Variants in MOB3B observed in about 807,000 individuals in gnomAD.
MOB3B encodes MOB kinase activator 3B.
A neutral mutation model predicts 18.7 loss-of-function variants in MOB3B; 7 were observed. The ratio of observed to expected loss-of-function variants is 0.37; its 90% CI spans 0.21 to 0.70. MOB3B has a LOEUF of 0.70. Among genes scored for constraint, MOB3B ranks in the 30% least tolerant of loss-of-function variants. The pLI is 0.52. For missense variants in MOB3B, 253 were observed against 281.3 expected, an observed-to-expected ratio of 0.90 and a Z score of 0.72; for synonymous variants, 111 against 99.9, an observed-to-expected ratio of 1.11 and a Z score of -0.66.
At chr9:27,511,449 A>G (rs1820142142) in intron 1 of MOB3B, among the ~76,000 whole-genome samples, 1 of 152,190 alleles carries the variant, frequency 6.6e-6, no homozygotes, top group Non-Finnish European at 1.5e-5. Context: ...CACTGTGCTC[A>G]ATGCATGCTT....
At chr9:27,451,627 G>A (rs1822786455) in intron 2 of MOB3B, among the ~76,000 whole-genome samples, 1 of 152,162 alleles carries the variant, frequency 6.6e-6, no homozygotes, top group Non-Finnish European at 1.5e-5. Context: ...TTGGATCACA[G>A]TGGGGAGGAG....
rs138633347 is a variant in MOB3B at position 27,449,210 on chromosome 9, A to T, written c.418+5923T>A. ...TATTTATAACCCTCATCACAGAGTG[A>T]TTCAGCAATGAAGACTGATGATTTT... is the stretch of plus-strand genomic sequence containing the variant. On this transcript the variant is annotated intron_variant, in intron 2 of 3. Transcript: ENST00000262244. Among the ~76,000 whole-genome samples the T allele has an allele frequency of 2.7e-3, 408 of 152,362 alleles. 2 individuals are homozygous for T. The highest frequency in any genetic ancestry group is 3.9e-3 in the Non-Finnish European group (265 of 68,040).
At chr9:27,528,496 A>G (rs888649115) in intron 1 of MOB3B, among the ~76,000 whole-genome samples, 2 of 152,200 alleles carry the variant, frequency 1.3e-5, no homozygotes, top group South Asian at 4.1e-4. Context: ...GCGGGGAAGG[A>G]ACAACTTTCC....
At chr9:27,401,618 C>A (rs1177716053) in intron 2 of MOB3B, among the ~76,000 whole-genome samples, 1 of 152,328 alleles carries the variant, frequency 6.6e-6, no homozygotes, top group African/African-American at 2.4e-5. Context: ...ACCCTTCATC[C>A]CTGGTGGCTG....
chr9:27,467,423 A>G (rs1819402031), intron 1 of MOB3B, among the ~76,000 whole-genome samples: 1 of 152,248 alleles, frequency 6.6e-6, no homozygotes, highest in South Asian at 2.1e-4. Context: ...TTCTCCTATG[A>G]TCAGATTTCA....
chr9:27,491,189 T>C (rs915922679), intron 1 of MOB3B, among the ~76,000 whole-genome samples: 24 of 152,192 alleles, frequency 1.6e-4, no homozygotes, highest in African/African-American at 4.8e-4. Flanking sequence ...GACATATTAT[T>C]TACAACTGTT....
At chr9:27,467,912 G>T (rs1019908347) in intron 1 of MOB3B, among the ~76,000 whole-genome samples, 4 of 152,206 alleles carry the variant, frequency 2.6e-5, no homozygotes, top group African/African-American at 7.2e-5. Context: ...TTTTGTTGTT[G>T]TATTGTTACT....
chr9:27,357,880 C>T (rs933615879), intron 3 of MOB3B, among the ~76,000 whole-genome samples: 4 of 63,806 alleles, frequency 6.3e-5, no homozygotes, highest in East Asian at 6.4e-4. Context: ...AATGAGATCC[C>T]ATCGCTACAA....
intron 1 of MOB3B, among the ~76,000 whole-genome samples, chr9:27,498,968 C>T (rs553341549): frequency 6.6e-6 from 1 of 152,264 alleles, no homozygotes; most frequent in African/African-American, 2.4e-5. Context: ...GATCTTAACA[C>T]AAGATTTTTT....
chr9:27,369,427 G>T (rs1048198766), intron 2 of MOB3B, among the ~76,000 whole-genome samples: 1 of 152,164 alleles, frequency 6.6e-6, no homozygotes, highest in Non-Finnish European at 1.5e-5. Context: ...CCTAGTTTAT[G>T]CAGGTCCCTT....
At chr9:27,443,847 A>G (rs987087063) in intron 2 of MOB3B, among the ~76,000 whole-genome samples, 19 of 152,160 alleles carry the variant, frequency 1.2e-4, no homozygotes, top group African/African-American at 4.6e-4. Context: ...TCAGAAAACC[A>G]ATGTACACAT....
At chr9:27,357,144 A>ATATATATATATATATATATATATATGTG (rs1486801059) in intron 3 of MOB3B, among the ~76,000 whole-genome samples, 1 of 80,972 alleles carries the variant, frequency 1.2e-5, no homozygotes, top group African/African-American at 4.2e-5. Context: ...ATATATATAT[A>ATATATATATATATATATATATATATGTG]TGTGTTTTTT....
intron 1 of MOB3B, among the ~76,000 whole-genome samples, chr9:27,467,177 A>G (rs1380250194): frequency 2.0e-5 from 3 of 152,218 alleles, no homozygotes; most frequent in Non-Finnish European, 2.9e-5. Context: ...CAAACCATGT[A>G]TCCTCCTCAA....
intron 2 of MOB3B, among the ~76,000 whole-genome samples, chr9:27,422,416 A>C: frequency 6.6e-6 from 1 of 152,164 alleles, no homozygotes; most frequent in East Asian, 1.9e-4. Flanking sequence ...TATGACCAAC[A>C]CCTATCTTGG....
At chr9:27,391,201 G>T (rs955548120) in intron 2 of MOB3B, among the ~76,000 whole-genome samples, 8 of 152,182 alleles carry the variant, frequency 5.3e-5, no homozygotes, top group Non-Finnish European at 1.2e-4. Flanking sequence ...AATGTACCAC[G>T]TTCACAGGAT....
intron 1 of MOB3B, among the ~76,000 whole-genome samples, chr9:27,495,987 T>C (rs1476129093): frequency 1.3e-5 from 2 of 152,240 alleles, no homozygotes; most frequent in Non-Finnish European, 2.9e-5. Flanking sequence ...AAAACAATCA[T>C]GCTGGCAGCA....
intron 1 of MOB3B, among the ~76,000 whole-genome samples, chr9:27,477,344 C>T (rs1819569708): frequency 6.6e-6 from 1 of 152,236 alleles, no homozygotes; most frequent in Admixed American, 6.5e-5. Flanking sequence ...GCTCAAAGGT[C>T]ACTCCTCAGA....
intron 2 of MOB3B, among the ~76,000 whole-genome samples, chr9:27,408,763 C>G (rs1456765299): frequency 6.6e-6 from 1 of 152,184 alleles, no homozygotes; most frequent in Non-Finnish European, 1.5e-5. Context: ...AGGGAATACA[C>G]TTGCTCTGGG....
chr9:27,414,982 C>T lies in MOB3B; in HGVS notation c.418+40151G>A, dbSNP rs1395142537. Among the ~76,000 whole-genome samples the T allele has an allele frequency of 3.3e-5, 5 of 152,274 alleles. No individual in the cohort carries two copies. The East Asian group carries it at 9.6e-4, about 29-fold the overall frequency. ...GTTCAAACAATTCTCCTGCCTCAGC[C>T]TCCCGAGTAGCTGGGATTACAGGTG... is the stretch of plus-strand genomic sequence containing the variant. On this transcript the variant is annotated intron_variant, in intron 2 of 3. Coordinates refer to ENST00000262244, the MANE Select transcript of MOB3B (RefSeq NM_024761.5).
Sources: gnomAD v4.1 joint callset for allele counts (sites outside exome capture counted in the v4.1 genomes callset) on GRCh38, gnomAD v4.1.1 for gene constraint, MANE v1.5 for transcripts, NCBI Gene and HGNC (gene_info 2026-07-23, HGNC 2026-07-21) for gene names.